Variants in OR1F1 observed in about 807,000 individuals in gnomAD.
OR1F1 encodes the protein olfactory receptor family 1 subfamily F member 1, also known as olfactory receptor 1F1.
For missense variants in OR1F1, 493 were observed against 376.3 expected (o/e 1.31, Z -2.57); for synonymous variants, 184 against 156.7 (o/e 1.17, Z -1.30).
chr16:3,203,624 C>T (rs1412839396), upstream of OR1F1, among the ~76,000 whole-genome samples: 4 of 152,088 alleles, frequency 2.6e-5, no homozygotes, highest in Non-Finnish European at 4.4e-5. Context: ...ATTAGCTGGG[C>T]GTGGTGGCAC....
At chr16:3,190,891 A>G in the OR1F1 span, among the ~76,000 whole-genome samples, 1 of 152,242 alleles carries the variant, frequency 6.6e-6, no homozygotes, top group African/African-American at 2.4e-5. Flanking sequence ...AGGAAAGGCA[A>G]TAAAGAAAAT....
At chr16:3,190,601 A>C in the OR1F1 span, among the ~76,000 whole-genome samples, 1 of 152,102 alleles carries the variant, frequency 6.6e-6, no homozygotes, top group Admixed American at 6.5e-5. Flanking sequence ...AAATACAAAA[A>C]TTAGTCGGTC....
At chr16:3,196,201 G>C in the OR1F1 span, among the ~76,000 whole-genome samples, 1 of 152,226 alleles carries the variant, frequency 6.6e-6, no homozygotes, top group Non-Finnish European at 1.5e-5. Flanking sequence ...TCTCAGGGTC[G>C]TGGGTTTGAG....
At chr16:3,189,267 T>C in the OR1F1 span, among the ~76,000 whole-genome samples, 1 of 152,202 alleles carries the variant, frequency 6.6e-6, no homozygotes, top group Admixed American at 6.5e-5. Flanking sequence ...CTTGCAGTGA[T>C]CGAGGCTCGC....
At chr16:3,204,202 C>T (rs939954018), upstream of OR1F1, 3 of 1,449,766 alleles carry the variant, frequency 2.1e-6, no homozygotes, top group South Asian at 2.7e-5. Context: ...CAAGCTTTTG[C>T]ATTTCGTCTT....
the OR1F1 span, among the ~76,000 whole-genome samples, chr16:3,193,994 C>T: frequency 6.6e-6 from 1 of 152,130 alleles, no homozygotes; most frequent in Non-Finnish European, 1.5e-5. Context: ...TGGGGTAAGA[C>T]AACACCGACC....
At chr16:3,198,007 GGGAGAGGGAGAA>G in the OR1F1 span, among the ~76,000 whole-genome samples, 1 of 81,300 alleles carries the variant, frequency 1.2e-5, no homozygotes, top group Non-Finnish European at 2.5e-5. Context: ...GAGAAGGAGA[GGGAGAGGGAGAA>G]GGAGAGGGAG....
upstream of OR1F1, among the ~76,000 whole-genome samples, chr16:3,202,853 G>A (rs1958150825): frequency 6.6e-6 from 1 of 152,084 alleles, no homozygotes; most frequent in Non-Finnish European, 1.5e-5. Context: ...CCACTCTATA[G>A]ATGATGGGAG....
chr16:3,192,196 A>G, the OR1F1 span, among the ~76,000 whole-genome samples: 1 of 152,166 alleles, frequency 6.6e-6, no homozygotes, highest in African/African-American at 2.4e-5. Context: ...AGCTGGGACT[A>G]CAGGTGCCCG....
exon 1 of OR1F1, chr16:3,204,965 C>A: frequency 6.2e-7 from 1 of 1,614,110 alleles, no homozygotes; most frequent in African/African-American, 1.3e-5. Context: ...GCCTTCTCCA[C>A]CTGTGGTTCT....
the OR1F1 span, among the ~76,000 whole-genome samples, chr16:3,188,660 C>G: frequency 6.6e-6 from 1 of 152,136 alleles, no homozygotes; most frequent in Admixed American, 6.5e-5. Flanking sequence ...CCCCCAGACC[C>G]CGGGGCCTTC....
At chr16:3,200,524 G>A (rs1263502026), upstream of OR1F1, among the ~76,000 whole-genome samples, 1 of 152,192 alleles carries the variant, frequency 6.6e-6, no homozygotes, top group African/African-American at 2.4e-5. Context: ...GGAGAATGGC[G>A]TGGACCCGGG....
At chr16:3,195,498 G>A in the OR1F1 span, among the ~76,000 whole-genome samples, 2 of 151,978 alleles carry the variant, frequency 1.3e-5, no homozygotes, top group African/African-American at 4.8e-5. Context: ...TGGCTAACAT[G>A]GTGAAACCCT....
At chr16:3,196,007 G>A in the OR1F1 span, among the ~76,000 whole-genome samples, 1 of 152,224 alleles carries the variant, frequency 6.6e-6, no homozygotes, top group Admixed American at 6.5e-5. Flanking sequence ...CCAGCAGGAC[G>A]CGTGGGTCAC....
chr16:3,201,723 G>T (rs1339041915), upstream of OR1F1, among the ~76,000 whole-genome samples: 3 of 152,116 alleles, frequency 2.0e-5, no homozygotes, highest in Non-Finnish European at 2.9e-5. Context: ...AGGAAGCAGG[G>T]CTCGGACACT....
At chr16:3,189,518 C>T in the OR1F1 span, among the ~76,000 whole-genome samples, 38,614 of 152,076 alleles carry the variant, frequency 0.25, 5,091 homozygotes, top group East Asian at 0.31. Flanking sequence ...CTTGAAATTG[C>T]CCCTTCCAGG....
chr16:3,188,661 C>G, the OR1F1 span, among the ~76,000 whole-genome samples: 3 of 152,122 alleles, frequency 2.0e-5, no homozygotes, highest in Non-Finnish European at 4.4e-5. Context: ...CCCCAGACCC[C>G]GGGGCCTTCC....
the OR1F1 span, among the ~76,000 whole-genome samples, chr16:3,192,480 G>A: frequency 1.3e-5 from 2 of 152,354 alleles, no homozygotes; most frequent in Non-Finnish European, 2.9e-5. Flanking sequence ...AATATGGATT[G>A]TATATTAGAT....
chr16:3,190,620 G>T, the OR1F1 span, among the ~76,000 whole-genome samples: 1 of 151,908 alleles, frequency 6.6e-6, no homozygotes, highest in Non-Finnish European at 1.5e-5. Context: ...TCATGGTGGC[G>T]GGCGCCTGTA....
Sources: allele counts gnomAD v4.1 joint callset (sites outside exome capture counted in the v4.1 genomes callset), GRCh38; gene constraint gnomAD v4.1.1; transcripts MANE v1.5; gene names NCBI Gene and HGNC (gene_info 2026-07-23, HGNC 2026-07-21).